Variants in USP12 observed in about 807,000 individuals in gnomAD.
The protein encoded by USP12 is ubiquitin specific peptidase 12.
In USP12, 19 loss-of-function variants were observed where a neutral mutation model predicts 45.5. The observed-to-expected ratio is 0.42, with a 90% CI of 0.29 to 0.61. The LOEUF (loss-of-function observed/expected upper bound fraction) is 0.61. Ranked by LOEUF, USP12 falls within the 20% of genes least tolerant of loss-of-function variation. The probability of loss-of-function intolerance (pLI) is 0.22; values close to 1 mark genes in which losing one functional copy is unlikely to be tolerated. For synonymous variants in USP12, 149 were observed against 148.8 expected, an observed-to-expected ratio of 1.00 and a Z score of -0.01; for missense variants, 242 against 447.7, an observed-to-expected ratio of 0.54 and a Z score of 4.15.
At chr13:27,124,785 A>T (rs1233910575) in intron 1 of USP12, among the ~76,000 whole-genome samples, 1 of 152,266 alleles carries the variant, frequency 6.6e-6, no homozygotes, top group Non-Finnish European at 1.5e-5. Flanking sequence ...AAACAAGTTC[A>T]TCTCATAAAT....
chr13:27,157,184 A>T (rs1332546090), intron 1 of USP12, among the ~76,000 whole-genome samples: 1 of 152,230 alleles, frequency 6.6e-6, no homozygotes, highest in African/African-American at 2.4e-5. Context: ...AGTTATTTTC[A>T]CTAATGTGGT....
At position 27,070,880 on chromosome 13, in the gene USP12, G is replaced by T. The variant is rs375558098; in HGVS notation, c.1011+191C>A. On this transcript the variant is annotated intron_variant, in intron 8 of 8. Transcript: ENST00000282344. ...CCTTGTTTTATTCTAGGTGTGTAAAGGTTAGGTGACCACTCAACTGCTGGG... is the reference window on the plus strand; with the variant it reads ...CCTTGTTTTATTCTAGGTGTGTAAATGTTAGGTGACCACTCAACTGCTGGG... Among the ~76,000 whole-genome samples the T allele has an allele frequency of 2.7e-4, 41 of 152,270 alleles. No individual in the cohort carries two copies. The East Asian group carries it at 3.3e-3, about 12-fold the overall frequency.
chr13:27,095,378 A>T (rs1266534415), intron 4 of USP12, among the ~76,000 whole-genome samples: 3 of 152,220 alleles, frequency 2.0e-5, no homozygotes, highest in Non-Finnish European at 4.4e-5. Context: ...CAAACAGTTC[A>T]AGCTACAGTA....
chr13:27,169,584 T>G (rs930581319), intron 1 of USP12, among the ~76,000 whole-genome samples: 4 of 152,156 alleles, frequency 2.6e-5, no homozygotes, highest in African/African-American at 9.7e-5. Context: ...TTTTCTGTAT[T>G]TGCCAACAAT....
Position 27,105,722 on chromosome 13 carries a change from T to C in USP12, c.343+9A>G, listed in dbSNP as rs745349812. 3.2e-5 allele frequency: 51 copies of C among 1,611,234 alleles called. 1 individual carries two copies. The highest frequency in any genetic ancestry group is 1.0e-4 in the Admixed American group (6 of 59,896). ...AGTATGTCATTAATACAGTGGGAAG[T>C]AGAATTACCATTTTCTTTCCGTAAT... On this transcript the variant is annotated intron_variant, in intron 3 of 8. Transcript: ENST00000282344.
At chr13:27,102,886 C>T (rs1874940428) in intron 3 of USP12, among the ~76,000 whole-genome samples, 1 of 152,232 alleles carries the variant, frequency 6.6e-6, no homozygotes, top group African/African-American at 2.4e-5. Flanking sequence ...GATTAGTCTA[C>T]TCAAACACTC....
intron 3 of USP12, among the ~76,000 whole-genome samples, chr13:27,104,384 A>G (rs1475428272): frequency 1.3e-5 from 2 of 152,166 alleles, no homozygotes; most frequent in African/African-American, 2.4e-5. Flanking sequence ...GCCATGTTCA[A>G]TTACCAAATA....
chr13:27,069,465 C>T, intron 8 of USP12, 81 bp from the exon 9 acceptor site: 1 of 999,084 alleles, frequency 1.0e-6, no homozygotes, highest in Non-Finnish European at 1.6e-6. Flanking sequence ...ACTGACAATA[C>T]CAAGTATTTG....
intron 1 of USP12, among the ~76,000 whole-genome samples, chr13:27,127,039 G>C (rs1471472866): frequency 1.3e-5 from 2 of 152,114 alleles, no homozygotes; most frequent in Non-Finnish European, 2.9e-5. Flanking sequence ...AGTATCTGGG[G>C]GTTCTGCACT....
At chr13:27,070,264 T>C (rs1040113612) in intron 8 of USP12, among the ~76,000 whole-genome samples, 17 of 152,116 alleles carry the variant, frequency 1.1e-4, no homozygotes, top group African/African-American at 2.9e-4. Flanking sequence ...ATCATAATGA[T>C]AGAAGTCCAA....
At chr13:27,132,501 C>T (rs544712700) in intron 1 of USP12, among the ~76,000 whole-genome samples, 3 of 152,268 alleles carry the variant, frequency 2.0e-5, no homozygotes, top group East Asian at 3.9e-4. Flanking sequence ...TACTGCCCCT[C>T]GAAGGAGACT....
chr13:27,137,865 G>A (rs1876877867), intron 1 of USP12, among the ~76,000 whole-genome samples: 2 of 152,254 alleles, frequency 1.3e-5, no homozygotes, highest in African/African-American at 2.4e-5. Context: ...GGCTTGGAAG[G>A]AGCAAGCTGC....
intron 3 of USP12, among the ~76,000 whole-genome samples, chr13:27,103,180 C>A (rs928942765): frequency 6.6e-6 from 1 of 152,002 alleles, no homozygotes; most frequent in African/African-American, 2.4e-5. Flanking sequence ...TAGTAAGAAC[C>A]ATCTACCAGT....
At position 27,100,611 on chromosome 13, in the gene USP12, C is replaced by T. The variant is rs193223269; in HGVS notation, c.344-4781G>A. ...TCTAGGCAGCTTCCTGACGTGCATG[C>T]ACCTCAATCCCGTACAATTCAAGAA... On this transcript the variant is annotated intron_variant, in intron 3 of 8. Coordinates refer to ENST00000282344, the MANE Select transcript of USP12 (RefSeq NM_182488.4). Among the ~76,000 whole-genome samples, 329 of 152,308 alleles carry T rather than the reference C, an allele frequency of 2.2e-3. 2 individuals are homozygous for T. The highest frequency in any genetic ancestry group is 0.012 in the South Asian group (58 of 4,828).
intron 1 of USP12, among the ~76,000 whole-genome samples, chr13:27,126,015 C>G (rs910406207): frequency 1.3e-5 from 2 of 152,268 alleles, no homozygotes; most frequent in Non-Finnish European, 2.9e-5. Context: ...GGCCTACTGC[C>G]TCTCTAGATT....
chr13:27,105,975 T>C, intron 2 of USP12, 31 bp from the exon 3 acceptor site: 2 of 1,562,050 alleles, frequency 1.3e-6, no homozygotes, highest in Non-Finnish European at 1.7e-6. Flanking sequence ...TTTTGTTAAA[T>C]TTAGGGCAAC....
intron 6 of USP12, among the ~76,000 whole-genome samples, chr13:27,081,185 A>C (rs920175019): frequency 6.6e-6 from 1 of 152,124 alleles, no homozygotes; most frequent in African/African-American, 2.4e-5. Flanking sequence ...GTAGCATGTG[A>C]TGCTGTTTGA....
In USP12 at chr13:27,116,563, C is replaced by G; in HGVS notation, c.82G>C (p.Gly28Arg). Residue 28 changes from glycine to arginine, a missense_variant, in exon 2 of 9, where the codon GGT (glycine) becomes CGT (arginine). By Grantham distance (125) the Gly-to-Arg change is moderately radical (BLOSUM62 -2). Coordinates refer to ENST00000282344, the MANE Select transcript of USP12 (RefSeq NM_182488.4). Reference sequence around the variant, plus strand: ...TCATTGACCGGAAACTGTTCTGGACCAATCTCTTTCTCTAATGCCGAAGCA... The same window carrying G: ...TCATTGACCGGAAACTGTTCTGGACGAATCTCTTTCTCTAATGCCGAAGCA... ...ANASALEKEIGPEQFPVNEHY... is the reference protein window; with the variant it reads ...ANASALEKEIRPEQFPVNEHY... The G allele has an allele frequency of 6.2e-7, 1 of 1,612,562 alleles. No homozygotes were observed. Among genetic ancestry groups the G allele is most frequent in the Non-Finnish European group, 8.5e-7 (1 of 1,179,726 alleles).
chr13:27,077,331 G>A (rs1223015505), intron 6 of USP12: 1 of 152,118 alleles, frequency 6.6e-6, no homozygotes, highest in Non-Finnish European at 1.5e-5. Context: ...AATTTTCTGA[G>A]CATAAAATGA....
Sources: allele counts gnomAD v4.1 joint callset (sites outside exome capture counted in the v4.1 genomes callset), GRCh38; gene constraint gnomAD v4.1.1; transcripts MANE v1.5; gene names NCBI Gene and HGNC (gene_info 2026-07-23, HGNC 2026-07-21).